Variants in VSX2 observed in about 807,000 individuals in gnomAD.
VSX2 encodes the protein visual system homeobox 2, also known as ceh-10 homeo domain containing homolog.
VSX2 carries 28 observed loss-of-function variants against 32.1 expected under a neutral mutation model. The observed-to-expected ratio is 0.87, with a 90% CI of 0.65 to 1.20. The LOEUF is 1.20. VSX2 is among the 50% of genes most tolerant of loss of function. VSX2 has a pLI of 0.00. For missense variants in VSX2, 506 were observed against 488.7 expected, an observed-to-expected ratio of 1.04 and a Z score of -0.33; for synonymous variants, 243 against 214.1, an observed-to-expected ratio of 1.14 and a Z score of -1.18.
rs138432846 is a variant in VSX2 at position 74,247,340 on chromosome 14, G to A, written c.579+2052G>A. On this transcript the variant is annotated intron_variant, in intron 3 of 4. Transcript: ENST00000261980. Reference sequence around the variant, plus strand: ...CATGGTTAGGGTCACTGACTCTGGGGCCAGACTGGCTGGGCTCCTGGCCGG... The same window carrying A: ...CATGGTTAGGGTCACTGACTCTGGGACCAGACTGGCTGGGCTCCTGGCCGG... Among the ~76,000 whole-genome samples, 334 of 152,336 alleles carry A rather than the reference G, an allele frequency of 2.2e-3. 1 individual carries two copies. Among genetic ancestry groups the A allele is most frequent in the African/African-American group, 7.1e-3 (296 of 41,568 alleles).
chr14:74,241,063 G>T (rs2079146842), intron 1 of VSX2, 119 bp from the exon 2 acceptor site: 1 of 1,022,096 alleles, frequency 9.8e-7, no homozygotes, highest in African/African-American at 1.6e-5. Context: ...AGGCTTCCTG[G>T]GGAGACAGAG....
In VSX2 at chr14:74,244,981, TGAGAGAGA is replaced by T. The variant is rs60714663; in HGVS notation, c.456-165_456-158del. On this transcript the variant is annotated intron_variant, in intron 2 of 4. Coordinates refer to ENST00000261980, the MANE Select transcript of VSX2 (RefSeq NM_182894.3). ...GTGTGTGTGTGTGTGTGTGTGTGTG[TGAGAGAGA>T]GAGAGAGAGAGAGAGAGACAGAGAG... 2.7e-4 allele frequency among the ~76,000 whole-genome samples: 10 copies of T among 37,604 alleles called. 1 individual carries two copies. The highest frequency in any genetic ancestry group is 8.2e-4 in the South Asian group (1 of 1,226). The allele number at this position is 37,604 out of a possible 152,430, so 24.7% of individuals were successfully genotyped here. A position where few individuals can be genotyped will look rare whatever the true frequency, so the allele number is the denominator to read the frequency against.
At chr14:74,244,791 A>AC (rs1434247267) in intron 2 of VSX2, among the ~76,000 whole-genome samples, 3 of 151,354 alleles carry the variant, frequency 2.0e-5, no homozygotes, top group Non-Finnish European at 4.4e-5. Flanking sequence ...AATAATGGCC[A>AC]CCCCCCAAAC....
At chr14:74,258,516 G>T (rs1345774671) in intron 3 of VSX2, among the ~76,000 whole-genome samples, 1 of 152,078 alleles carries the variant, frequency 6.6e-6, no homozygotes, top group Non-Finnish European at 1.5e-5. Flanking sequence ...GACTTCCCTG[G>T]GGCGACTCGC....
intron 2 of VSX2, among the ~76,000 whole-genome samples, chr14:74,243,710 A>G (rs1286656062): frequency 6.7e-6 from 1 of 149,886 alleles, no homozygotes; most frequent in Non-Finnish European, 1.5e-5. Context: ...ATCACCCCCC[A>G]CCCCCAGAGA....
rs1211509650 is a variant in VSX2, at chr14:74,260,676, C to T, written c.843C>T (p.Asp281=). ...EGERQALPKL[D]KMEQDERGPD... Reference sequence around the variant, plus strand: ...AACGCCAGGCCCTGCCCAAGCTCGACAAGATGGAGCAGGACGAGCGGGGCC... The same window carrying T: ...AACGCCAGGCCCTGCCCAAGCTCGATAAGATGGAGCAGGACGAGCGGGGCC... Residue 281 remains aspartate, a synonymous_variant, in exon 5 of 5, where the codon GAC becomes GAT. Transcript: ENST00000261980. The T allele has an allele frequency of 1.3e-6, 2 of 1,599,736 alleles. No individual in the cohort carries two copies. The highest frequency in any genetic ancestry group is 1.1e-5 in the South Asian group (1 of 88,472).
At chr14:74,242,141 A>G (rs2079154382) in intron 2 of VSX2, among the ~76,000 whole-genome samples, 1 of 150,448 alleles carries the variant, frequency 6.6e-6, no homozygotes. Context: ...AAGGAAATAA[A>G]GGAGAAAGAA....
chr14:74,256,735 A>G (rs190583903), intron 3 of VSX2, among the ~76,000 whole-genome samples: 42,725 of 140,648 alleles, frequency 0.3, 6,686 homozygotes, highest in East Asian at 0.64. Context: ...GTGCAGTGGC[A>G]CGATCTCGGC....
At chr14:74,244,213 C>A (rs1305471411) in intron 2 of VSX2, among the ~76,000 whole-genome samples, 2 of 152,170 alleles carry the variant, frequency 1.3e-5, no homozygotes, top group Non-Finnish European at 2.9e-5. Context: ...TTACCAGATT[C>A]TTAAAGCAGT....
intron 3 of VSX2, among the ~76,000 whole-genome samples, chr14:74,246,652 C>G (rs1199603631): frequency 6.6e-6 from 1 of 152,176 alleles, no homozygotes; most frequent in Non-Finnish European, 1.5e-5. Context: ...AACTGCACGG[C>G]AGTAACCCCT....
intron 2 of VSX2, among the ~76,000 whole-genome samples, chr14:74,244,405 C>T (rs554613891): frequency 1.3e-5 from 2 of 151,448 alleles, no homozygotes; most frequent in Non-Finnish European, 2.9e-5. Flanking sequence ...AGGCTCGGGG[C>T]AGTGCTGGGA....
intron 3 of VSX2, among the ~76,000 whole-genome samples, 174 bp from the exon 4 acceptor site, chr14:74,259,428 C>A (rs1425023955): frequency 1.3e-5 from 2 of 152,030 alleles, no homozygotes; most frequent in Non-Finnish European, 2.9e-5. Flanking sequence ...AGACTGATGT[C>A]CTCCTTCTGA....
At chr14:74,242,088 G>T (rs527927536) in intron 2 of VSX2, among the ~76,000 whole-genome samples, 6 of 65,650 alleles carry the variant, frequency 9.1e-5, no homozygotes, top group African/African-American at 3.0e-4. Context: ...CGCACCAGCC[G>T]CACTGCTACC....
At chr14:74,244,979 TGTGAGA>T (rs1331321932) in intron 2 of VSX2, among the ~76,000 whole-genome samples, 180 bp from the exon 3 acceptor site, 21 of 39,102 alleles carry the variant, frequency 5.4e-4, no homozygotes, top group African/African-American at 1.9e-3. Flanking sequence ...TGTGTGTGTG[TGTGAGA>T]GAGAGAGAGA....
At chr14:74,259,537 G>C in intron 3 of VSX2, 65 bp from the exon 4 acceptor site, 1 of 1,600,496 alleles carries the variant, frequency 6.2e-7, no homozygotes, top group Non-Finnish European at 8.6e-7. Flanking sequence ...AAGCCTACAA[G>C]GGGTAAGGGC....
Position 74,245,331 on chromosome 14 carries a change from C to T in VSX2, c.579+43C>T, listed in dbSNP as rs113575275. On this transcript the variant is annotated intron_variant, in intron 3 of 4. Coordinates refer to ENST00000261980, the MANE Select transcript of VSX2 (RefSeq NM_182894.3). ...CTCTCCCCTCCACTCTCCCCTCTCT[C>T]GGTGACATCTACCACTCCAGGGTTC... The T allele has an allele frequency of 1.5e-5, 24 of 1,611,374 alleles. No individual in the cohort carries two copies. The East Asian group carries it at 2.0e-4, about 13-fold the overall frequency.
chr14:74,241,570 A>G (rs1332351132), intron 2 of VSX2, among the ~76,000 whole-genome samples: 3 of 152,178 alleles, frequency 2.0e-5, no homozygotes, highest in African/African-American at 7.2e-5. Context: ...CGGTCCCCAG[A>G]TCCCCGCACC....
chr14:74,259,870 C>T (rs1566888447), intron 4 of VSX2, 88 bp downstream of exon 4: 2 of 1,360,644 alleles, frequency 1.5e-6, no homozygotes, highest in East Asian at 2.4e-5. Context: ...GAGGCAGGGG[C>T]ACTTGGGCCA....
At chr14:74,240,919 G>T (rs2079145742) in intron 1 of VSX2, among the ~76,000 whole-genome samples, 1 of 152,162 alleles carries the variant, frequency 6.6e-6, no homozygotes, top group Admixed American at 6.5e-5. Flanking sequence ...CTCGCTCTCC[G>T]TCGTCCCGGT....
Sources: allele counts gnomAD v4.1 joint callset (sites outside exome capture counted in the v4.1 genomes callset), GRCh38; gene constraint gnomAD v4.1.1; transcripts MANE v1.5; gene names NCBI Gene and HGNC (gene_info 2026-07-23, HGNC 2026-07-21).